EYS: variants seen among roughly 807,000 people sequenced by gnomAD.
EYS encodes EGF-like photoreceptor maintenance factor.
A neutral mutation model predicts 282.1 loss-of-function variants in EYS; 250 were observed. The ratio of observed to expected loss-of-function variants is 0.89; its 90% CI spans 0.80 to 0.98. The LOEUF (loss-of-function observed/expected upper bound fraction) is 0.98, where lower values mean the gene tolerates loss of function less well. EYS is among the 50% of genes least tolerant of loss of function. The probability of loss-of-function intolerance (pLI) is 0.00; values close to 1 mark genes in which losing one functional copy is unlikely to be tolerated. For synonymous variants in EYS, 1,355 were observed against 1,282.9 expected (o/e 1.06, Z -1.20); for missense variants, 4,016 against 3,709.0 (o/e 1.08, Z -2.15).
chr6:65,546,622 T>C (rs932943695), intron 2 of EYS, among the ~76,000 whole-genome samples: 10 of 151,956 alleles, frequency 6.6e-5, no homozygotes, highest in Non-Finnish European at 1.3e-4. Context: ...TGCTCTGTTG[T>C]CCAGACTGTC....
At chr6:64,399,075 T>C (rs1000337412) in intron 28 of EYS, among the ~76,000 whole-genome samples, 1 of 151,862 alleles carries the variant, frequency 6.6e-6, no homozygotes, top group African/African-American at 2.4e-5. Context: ...TTTGTACTGT[T>C]TTATGATATT....
At chr6:65,229,832 A>C (rs1562036779) in intron 12 of EYS, among the ~76,000 whole-genome samples, 1 of 152,018 alleles carries the variant, frequency 6.6e-6, no homozygotes, top group South Asian at 2.1e-4. Flanking sequence ...TGTTGCATTT[A>C]CTGCAAGACA....
intron 36 of EYS, among the ~76,000 whole-genome samples, chr6:63,849,737 CT>C (rs1377851351): frequency 6.6e-6 from 1 of 152,136 alleles, no homozygotes; most frequent in Non-Finnish European, 1.5e-5. Flanking sequence ...TGCAAAAATG[CT>C]GAAAATTCCA....
chr6:63,832,575 T>C (rs1244774284), intron 36 of EYS, among the ~76,000 whole-genome samples: 5 of 152,112 alleles, frequency 3.3e-5, no homozygotes. Flanking sequence ...CAATAATTAA[T>C]AGCCTACCAA....
chr6:64,024,576 A>C (rs1291914687), intron 33 of EYS, among the ~76,000 whole-genome samples: 1 of 151,138 alleles, frequency 6.6e-6, no homozygotes, highest in Non-Finnish European at 1.5e-5. Flanking sequence ...TTGTTCTTTC[A>C]CTCTTTGCAA....
intron 36 of EYS, among the ~76,000 whole-genome samples, chr6:63,856,286 A>G (rs769385007): frequency 7.2e-5 from 11 of 152,328 alleles, no homozygotes; most frequent in Middle Eastern, 3.4e-3. Flanking sequence ...CCAATTTGCC[A>G]TAAGTATATT....
intron 12 of EYS, among the ~76,000 whole-genome samples, chr6:65,206,349 A>T (rs945666134): frequency 5.3e-5 from 8 of 151,686 alleles, no homozygotes; most frequent in African/African-American, 1.7e-4. Flanking sequence ...GCAGAAATGT[A>T]AATCCTGAAC....
intron 12 of EYS, among the ~76,000 whole-genome samples, chr6:65,230,353 T>C (rs1003963423): frequency 8.7e-6 from 1 of 115,152 alleles, no homozygotes; most frequent in Admixed American, 9.9e-5. Context: ...TCCAGAATGA[T>C]TGGTCCAGGT....
At chr6:65,034,122 G>T (rs1400140578) in intron 13 of EYS, among the ~76,000 whole-genome samples, 2 of 152,116 alleles carry the variant, frequency 1.3e-5, no homozygotes, top group Admixed American at 1.3e-4. Flanking sequence ...CTTTCTTTTG[G>T]CTAATTTCTC....
intron 12 of EYS, among the ~76,000 whole-genome samples, chr6:65,181,950 T>C (rs1765396849): frequency 6.6e-6 from 1 of 151,532 alleles, no homozygotes; most frequent in African/African-American, 2.4e-5. Flanking sequence ...CAGCAAACTA[T>C]AGCAAGGACA....
chr6:65,205,872 T>C (rs2150248827), intron 12 of EYS, among the ~76,000 whole-genome samples: 1 of 152,030 alleles, frequency 6.6e-6, no homozygotes, highest in Non-Finnish European at 1.5e-5. Flanking sequence ...CCAAAACCTC[T>C]GTGATATAGC....
intron 12 of EYS, among the ~76,000 whole-genome samples, chr6:65,226,967 G>C (rs116127067): frequency 2.0e-4 from 30 of 152,244 alleles, no homozygotes; most frequent in African/African-American, 7.2e-4. Flanking sequence ...TAGTGCAGTG[G>C]CTCACGCCTG....
At chr6:65,628,708 G>T (rs779900304) in intron 2 of EYS, among the ~76,000 whole-genome samples, 1 of 151,684 alleles carries the variant, frequency 6.6e-6, no homozygotes, top group Non-Finnish European at 1.5e-5. Flanking sequence ...GAGCCAGCAA[G>T]ACCACGAACC....
In EYS at chr6:65,402,607, T is replaced by C; in HGVS notation, c.1057-2A>G. The C allele has an allele frequency of 6.4e-7, 1 of 1,564,854 alleles. No individual in the cohort carries two copies. Among genetic ancestry groups the C allele is most frequent in the South Asian group, 1.1e-5 (1 of 89,466 alleles). The stretch of plus-strand genomic sequence containing the variant: ...TGGTGAACAGATGCACATAACATCC[T>C]AGGAAAGATTAAAAAAATATTTTTA... On this transcript the variant is annotated splice_acceptor_variant, in intron 6 of 42. Transcript: ENST00000503581. LOFTEE classifies it high-confidence loss of function.
chr6:65,142,456 T>C (rs1318308053), intron 12 of EYS, among the ~76,000 whole-genome samples: 1 of 137,736 alleles, frequency 7.3e-6, no homozygotes, highest in African/African-American at 2.7e-5. Flanking sequence ...ACAGGAAACA[T>C]GATAAATGGA....
intron 33 of EYS, among the ~76,000 whole-genome samples, chr6:64,008,114 A>C (rs11970058): frequency 0.031 from 4,791 of 152,218 alleles, 258 homozygotes; most frequent in African/African-American, 0.11. Flanking sequence ...GTTATCTAAA[A>C]TTCTTCATAG....
chr6:64,533,627 A>G (rs1282094362), intron 26 of EYS, among the ~76,000 whole-genome samples: 1 of 152,054 alleles, frequency 6.6e-6, no homozygotes, highest in Non-Finnish European at 1.5e-5. Context: ...TAACACTTTT[A>G]GGCAAAATAA....
At chr6:64,665,862 A>G (rs1436207758) in intron 22 of EYS, among the ~76,000 whole-genome samples, 1 of 152,106 alleles carries the variant, frequency 6.6e-6, no homozygotes, top group South Asian at 2.1e-4. Flanking sequence ...CGATTTTCCT[A>G]CCTATTACCC....
intron 12 of EYS, among the ~76,000 whole-genome samples, chr6:65,079,395 C>T (rs1774152982): frequency 6.6e-6 from 1 of 151,884 alleles, no homozygotes; most frequent in Non-Finnish European, 1.5e-5. Flanking sequence ...TGGTTGACAA[C>T]TTGATACATA....
Sources: allele counts gnomAD v4.1 joint callset (sites outside exome capture counted in the v4.1 genomes callset), GRCh38; gene constraint gnomAD v4.1.1; transcripts MANE v1.5; gene names NCBI Gene and HGNC (gene_info 2026-07-23, HGNC 2026-07-21).